Variants in EEF2 observed in about 807,000 individuals in gnomAD.
EEF2 encodes eukaryotic translation elongation factor 2.
Under a neutral mutation model 85.3 loss-of-function variants are expected in EEF2, and 21 were observed. That is an observed-to-expected ratio of 0.25 (90% CI 0.17 to 0.35). EEF2 has a LOEUF of 0.35. Among genes scored for constraint, EEF2 ranks in the 10% least tolerant of loss-of-function variants. The probability of loss-of-function intolerance (pLI) is 1.00; values close to 1 mark genes in which losing one functional copy is unlikely to be tolerated. For missense variants in EEF2, 825 were observed against 1,225.3 expected (o/e 0.67, Z 4.88); for synonymous variants, 723 against 508.8 (o/e 1.42, Z -5.67).
At chr19:3,981,521 T>C in intron 6 of EEF2, 69 bp from the exon 7 acceptor site, 1 of 1,451,934 alleles carries the variant, frequency 6.9e-7, no homozygotes, top group Non-Finnish European at 9.6e-7. Flanking sequence ...CACTGCTTCC[T>C]GCTTGGAAGA....
chr19:3,979,758 G>A (rs1197384363), intron 10 of EEF2, 50 bp downstream of exon 10: 7 of 1,584,226 alleles, frequency 4.4e-6, no homozygotes, highest in African/African-American at 1.3e-5. Context: ...CAGGACACAA[G>A]CCGTCCCCCC....
Position 3,977,530 on chromosome 19 carries a change from G to T in EEF2, c.2148C>A (p.Arg716=). ...DVTLHADAIH[R]GGGQIIPTAR... is the part of the protein sequence containing the mutation. Reference sequence around the variant, plus strand: ...CTGTGGGGATGATCTGGCCCCCTCCGCGGTGGATGGCGTCGGCGTGCAGGG... The same window carrying T: ...CTGTGGGGATGATCTGGCCCCCTCCTCGGTGGATGGCGTCGGCGTGCAGGG... Residue 716 remains arginine (R), a synonymous_variant, in exon 13 of 15, where the codon CGC becomes CGA. Coordinates refer to ENST00000309311, the MANE Select transcript of EEF2 (RefSeq NM_001961.4). The surrounding 1 kb of genome is among the most constrained non-coding windows in gnomAD (Gnocchi z 5.4). The T allele has an allele frequency of 6.3e-7, 1 of 1,589,138 alleles. No individual in the cohort carries two copies.
intron 1 of EEF2, chr19:3,984,881 C>A: frequency 6.0e-6 from 1 of 167,800 alleles, no homozygotes; most frequent in Non-Finnish European, 1.3e-5. Flanking sequence ...ATCTGGGAGT[C>A]ATAGGAAGGA....
At chr19:3,983,056 A>C in intron 3 of EEF2, 38 bp from the exon 4 acceptor site, 1 of 1,611,200 alleles carries the variant, frequency 6.2e-7, no homozygotes, top group Non-Finnish European at 8.5e-7. Context: ...TGTCATCCTC[A>C]AGCAAGGATG....
intron 7 of EEF2, 37 bp downstream of exon 7, chr19:3,981,302 T>G: frequency 6.3e-7 from 1 of 1,587,514 alleles, no homozygotes; most frequent in Non-Finnish European, 8.7e-7. Context: ...CAGCAGCCTG[T>G]GTTCCCTCCA....
At position 3,982,003 on chromosome 19, in the gene EEF2, C is replaced by T. The variant is rs752584316; in HGVS notation, c.841G>A (p.Glu281Lys). The change falls in exon 6 of 15, where the codon GAA (glutamate) becomes AAA (lysine). Residue 281 changes from glutamate to lysine, a missense_variant. Glu to Lys is a moderately conservative substitution (Grantham distance 56, BLOSUM62 1). Transcript: ENST00000309311. Reference sequence around the variant, plus strand: ...AAGGTGCGTGGCAGCTTCTTCCCTTCGGGGCTGGTGGCTGACTTGCTGAAC... The same window carrying T: ...AAGGTGCGTGGCAGCTTCTTCCCTTTGGGGCTGGTGGCTGACTTGCTGAAC... ...GKFSKSATSPEGKKLPRTFCQ... is the reference protein window; with the variant it reads ...GKFSKSATSPKGKKLPRTFCQ... The T allele has an allele frequency of 6.8e-6, 11 of 1,614,182 alleles. No individual in the cohort carries two copies. Among genetic ancestry groups the T allele is most frequent in the Non-Finnish European group, 8.5e-7 (1 of 1,180,022 alleles).
In EEF2 at chr19:3,977,951, C is replaced by T. The variant is rs1029194030; in HGVS notation, c.1935G>A (p.Glu645=). Residue 645 remains glutamate, a synonymous_variant, in exon 12 of 15, where the codon GAG becomes GAA. Coordinates refer to ENST00000309311, the MANE Select transcript of EEF2 (RefSeq NM_001961.4). The surrounding 1 kb of genome is among the most constrained non-coding windows in gnomAD (Gnocchi z 5.4). ...GCCCAAAGCACCAGATCTTGCGGGC[C>T]TCAGCCACGTCCCACTCGTACTTCT... ...LAEKYEWDVA[E]ARKIWCFGPD... 1.9e-6 allele frequency: 3 copies of T among 1,613,424 alleles called. No homozygotes were observed. The highest frequency in any genetic ancestry group is 2.5e-6 in the Non-Finnish European group (3 of 1,180,010).
intron 9 of EEF2, 63 bp downstream of exon 9, chr19:3,980,451 G>A (rs1026404453): frequency 4.6e-6 from 7 of 1,536,224 alleles, no homozygotes; most frequent in Admixed American, 4.1e-5. Context: ...AGGAGCCCAA[G>A]ACTTGGAGCA....
At position 3,979,761 on chromosome 19, in the gene EEF2, G is replaced by A. The variant is rs555429371; in HGVS notation, c.1605+47C>T. 72 of 1,587,672 alleles carry A rather than the reference G, an allele frequency of 4.5e-5. No individual in the cohort carries two copies. In the East Asian group the frequency reaches 4.7e-4, roughly 10 times the overall value. ...ACAGCCACAACTCAGGACACAAGCC[G>A]TCCCCCCTCAGGGTGTCTGCTCCCA... On this transcript the variant is annotated intron_variant, in intron 10 of 14. Transcript: ENST00000309311.
Position 3,980,096 on chromosome 19 carries a change from G to A in EEF2, c.1347-30C>T, listed in dbSNP as rs370746407. ...AAGAAGCAGAAGGCGGCAGCAGGCC[G>A]CAGGGATGGTTGTGCTGGACCCTGG... On this transcript the variant is annotated intron_variant, in intron 9 of 14. Transcript: ENST00000309311. 69 of 1,601,722 alleles carry A rather than the reference G, an allele frequency of 4.3e-5. No homozygotes were observed. The African/African-American group carries it at 6.0e-4, about 14-fold the overall frequency.
chr19:3,976,904 C>T (rs1345901792), intron 14 of EEF2, among the ~76,000 whole-genome samples, 157 bp from the exon 15 acceptor site: 1 of 152,248 alleles, frequency 6.6e-6, no homozygotes, highest in African/African-American at 2.4e-5. Flanking sequence ...CCTAGCAGGC[C>T]ACTCATGGGC....
chr19:3,984,905 TCGA>T (rs2039800570), intron 1 of EEF2: 3 of 170,470 alleles, frequency 1.8e-5, no homozygotes, highest in African/African-American at 4.7e-5. Flanking sequence ...GTGCCTAAGG[TCGA>T]CGATTAACAG....
rs111264043 is a variant in EEF2 at position 3,976,750 on chromosome 19, G to A, written c.2384-3C>T. On this transcript the variant is annotated splice_polypyrimidine_tract_variant and splice_region_variant and intron_variant, in intron 14 of 14. Coordinates refer to ENST00000309311, the MANE Select transcript of EEF2 (RefSeq NM_001961.4). The stretch of plus-strand genomic sequence containing the variant: ...GGACCTCAGGTCAGCGGTGAAGCCT[G>A]CAGAGGGAAGCGAGAGGCTCACTGG... 55 of 1,557,178 alleles carry A rather than the reference G, an allele frequency of 3.5e-5. No homozygotes were observed. In the African/African-American group the frequency reaches 6.2e-4, roughly 18 times the overall value.
chr19:3,984,291 G>A lies in EEF2; in HGVS notation c.63C>T (p.Asn21=), dbSNP rs757652079. 3 of 1,614,222 alleles carry A rather than the reference G, an allele frequency of 1.9e-6. No homozygotes were observed. Among genetic ancestry groups the A allele is most frequent in the South Asian group, 1.1e-5 (1 of 91,088 alleles). ...GGTCCACGTGGGCGATGACAGACAT[G>A]TTGCGGATGTTGGCCTTCTTGTCCA... The part of the protein sequence containing the change: ...AIMDKKANIR[N]MSVIAHVDHG... The change falls in exon 2 of 15, where the codon AAC becomes AAT. Residue 21 remains asparagine, a synonymous_variant. Coordinates refer to ENST00000309311, the MANE Select transcript of EEF2 (RefSeq NM_001961.4).
Position 3,976,461 on chromosome 19 carries a change from G to GGT in EEF2, c.*92_*93insAC, listed in dbSNP as rs1409144328. ...CCTCTCAGGGGAGCGTCGCTGTGTC[G>GGT]GGACAGTCTCCAGGTGTCGTCTGAG... On this transcript the variant is annotated 3_prime_UTR_variant, in exon 15 of 15. Transcript: ENST00000309311. 6.9e-7 allele frequency: 1 copy of GGT among 1,443,476 alleles called. No homozygotes were observed. The highest frequency in any genetic ancestry group is 1.4e-5 in the African/African-American group (1 of 70,732). The allele number at this position is 1,443,476 out of a possible 1,614,324, so 89.4% of individuals were successfully genotyped here. A position where few individuals can be genotyped will look rare whatever the true frequency, so the allele number is the denominator to read the frequency against.
chr19:3,983,971 T>A lies in EEF2; in HGVS notation c.218+165A>T, dbSNP rs565884836. On this transcript the variant is annotated intron_variant, in intron 2 of 14. Coordinates refer to ENST00000309311, the MANE Select transcript of EEF2 (RefSeq NM_001961.4). ...TCGCAGTACCCCGAATCCCTGTGCC[T>A]CTCCATCCTGTCTCGCTGGACTGAA... 6 of 727,260 alleles carry A rather than the reference T, an allele frequency of 8.3e-6. No individual in the cohort carries two copies. The East Asian group carries it at 1.6e-4, about 20-fold the overall frequency. 45.1% of individuals were successfully genotyped at this position (727,260 alleles called of 1,614,324 possible). A position where few individuals can be genotyped will look rare whatever the true frequency, so the allele number is the denominator to read the frequency against.
chr19:3,979,787 G>C, intron 10 of EEF2, 21 bp downstream of exon 10: 8 of 1,605,208 alleles, frequency 5.0e-6, no homozygotes, highest in Non-Finnish European at 6.0e-6. Flanking sequence ...TCTGCTCCCA[G>C]CAGGTGCACT....
intron 1 of EEF2, 183 bp downstream of exon 1, chr19:3,985,195 G>T (rs771496267): frequency 9.9e-6 from 6 of 603,726 alleles, no homozygotes; most frequent in Non-Finnish European, 1.5e-5. Context: ...CGGAGAAAGG[G>T]CTCGGTGAAC....
Position 3,983,611 on chromosome 19 carries a change from C to T in EEF2, c.219-320G>A, listed in dbSNP as rs146833110. On this transcript the variant is annotated intron_variant, in intron 2 of 14. Transcript: ENST00000309311. ...GACCCAGCAGGACGGCAAAAGCCTC[C>T]AGAGACTCCGACCCTCCCCTCCTCA... Among the ~76,000 whole-genome samples the T allele has an allele frequency of 1.7e-4, 26 of 152,270 alleles. No homozygotes were observed. In the East Asian group the frequency reaches 5.0e-3, roughly 29 times the overall value.
Sources: allele counts gnomAD v4.1 joint callset (sites outside exome capture counted in the v4.1 genomes callset), GRCh38; gene constraint gnomAD v4.1.1; non-coding constraint Gnocchi (gnomAD v3.1); transcripts MANE v1.5; gene names NCBI Gene and HGNC (gene_info 2026-07-23, HGNC 2026-07-21).